The following CTDSPL variants were observed in gnomAD, a reference collection of about 807,000 sequenced individuals.
CTDSPL encodes CTD small phosphatase-like protein.
CTDSPL carries 8 observed loss-of-function variants against 30.5 expected under a neutral mutation model. The ratio of observed to expected loss-of-function variants is 0.26; its 90% CI spans 0.15 to 0.47. CTDSPL has a LOEUF of 0.47. CTDSPL is among the 20% of genes least tolerant of loss of function. The probability of loss-of-function intolerance (pLI) is 0.99; values close to 1 mark genes in which losing one functional copy is unlikely to be tolerated. For missense variants in CTDSPL, 248 were observed against 366.1 expected, an observed-to-expected ratio of 0.68 and a Z score of 2.63; for synonymous variants, 110 against 137.9, an observed-to-expected ratio of 0.80 and a Z score of 1.42.
rs1698806286 is a variant in CTDSPL at position 37,928,081 on chromosome 3, T to A, written c.80-18976T>A. Reference sequence around the variant, plus strand: ...TGGCACGTGTCAAAATTTATTTCCTTTTTGAGGCTGAATAATATTCCATTG... The same window carrying A: ...TGGCACGTGTCAAAATTTATTTCCTATTTGAGGCTGAATAATATTCCATTG... On this transcript the variant is annotated intron_variant, in intron 1 of 7. Coordinates refer to ENST00000273179, the MANE Select transcript of CTDSPL (RefSeq NM_001008392.2). Among the ~76,000 whole-genome samples the A allele has an allele frequency of 2.0e-5, 3 of 152,192 alleles. No individual in the cohort carries two copies. The South Asian group carries it at 6.2e-4, about 31-fold the overall frequency.
chr3:37,906,456 C>T (rs1015413948), intron 1 of CTDSPL, among the ~76,000 whole-genome samples: 2 of 152,164 alleles, frequency 1.3e-5, no homozygotes, highest in Non-Finnish European at 2.9e-5. Context: ...TTGAGAGTGC[C>T]ATCTGTTTCC....
chr3:37,871,116 T>C (rs1265191374), intron 1 of CTDSPL, among the ~76,000 whole-genome samples: 1 of 152,172 alleles, frequency 6.6e-6, no homozygotes, highest in Non-Finnish European at 1.5e-5. Flanking sequence ...TATTCATCTC[T>C]CTCTCCCCTG....
intron 1 of CTDSPL, among the ~76,000 whole-genome samples, chr3:37,916,030 T>G (rs1420146059): frequency 1.3e-5 from 2 of 152,230 alleles, no homozygotes; most frequent in Non-Finnish European, 2.9e-5. Context: ...GTGGTTTACC[T>G]TTAGGCTTGG....
intron 1 of CTDSPL, among the ~76,000 whole-genome samples, chr3:37,900,715 T>C (rs542624658): frequency 1.2e-4 from 19 of 152,300 alleles, no homozygotes; most frequent in South Asian, 8.3e-4. Flanking sequence ...CATATATAGC[T>C]TAATATGCCA....
At chr3:37,872,328 T>C (rs1437460743) in intron 1 of CTDSPL, among the ~76,000 whole-genome samples, 1 of 151,804 alleles carries the variant, frequency 6.6e-6, no homozygotes, top group Admixed American at 6.6e-5. Context: ...GCATTTATTG[T>C]TTTTTTTCAT....
intron 1 of CTDSPL, among the ~76,000 whole-genome samples, chr3:37,927,167 G>GA (rs1401114924): frequency 6.6e-6 from 1 of 151,968 alleles, no homozygotes; most frequent in African/African-American, 2.4e-5. Context: ...TTGAAGAATA[G>GA]AAAAAATAAA....
intron 1 of CTDSPL, among the ~76,000 whole-genome samples, chr3:37,919,100 G>T (rs7633540): frequency 0.25 from 37,821 of 151,746 alleles, 6,423 homozygotes; most frequent in African/African-American, 0.48. Flanking sequence ...TCGCTACCAG[G>T]GCCTTCCCCC....
intron 1 of CTDSPL, among the ~76,000 whole-genome samples, chr3:37,863,083 G>A (rs575379080): frequency 1.3e-5 from 2 of 152,220 alleles, no homozygotes; most frequent in Non-Finnish European, 2.9e-5. Flanking sequence ...TGGAGTCTGG[G>A]GGGGAGAAGA....
intron 3 of CTDSPL, among the ~76,000 whole-genome samples, chr3:37,957,430 A>C (rs1699186912): frequency 6.6e-6 from 1 of 152,146 alleles, no homozygotes; most frequent in Admixed American, 6.5e-5. Context: ...AAGCTGAACA[A>C]GCTGAGGTTG....
At chr3:37,955,200 TAGG>T (rs1699157315) in intron 2 of CTDSPL, 4 of 152,140 alleles carry the variant, frequency 2.6e-5, no homozygotes, top group African/African-American at 9.7e-5. Flanking sequence ...CTGCAACAAA[TAGG>T]ACATCCCTCA....
rs1209913792 is a variant in CTDSPL at position 37,984,196 on chromosome 3, T to C, written c.*3329T>C. The C allele has an allele frequency of 2.0e-5, 9 of 456,564 alleles. No individual in the cohort carries two copies. Among genetic ancestry groups the C allele is most frequent in the Admixed American group, 1.2e-4 (5 of 42,560 alleles). The allele number at this position is 456,564 out of a possible 1,614,324, so 28.3% of individuals were successfully genotyped here. On this transcript the variant is annotated 3_prime_UTR_variant, in exon 8 of 8. Transcript: ENST00000273179. The stretch of plus-strand genomic sequence containing the variant: ...GTGCAAAATTGGCTGGCTGCCTCTG[T>C]TCCTACTGTACTGTAACTTTGATCA...
intron 1 of CTDSPL, among the ~76,000 whole-genome samples, chr3:37,893,207 A>G (rs1273660651): frequency 6.6e-6 from 1 of 152,208 alleles, no homozygotes. Context: ...GTCAGAGGCT[A>G]GTTAATAACT....
chr3:37,963,976 G>A (rs1699270156), intron 3 of CTDSPL, among the ~76,000 whole-genome samples: 1 of 131,020 alleles, frequency 7.6e-6, no homozygotes, highest in Non-Finnish European at 1.5e-5. Flanking sequence ...ACTCTGGACT[G>A]CATTATGCTG....
intron 1 of CTDSPL, chr3:37,944,838 G>C (rs1575311158): frequency 6.6e-6 from 1 of 150,448 alleles, no homozygotes; most frequent in Admixed American, 6.7e-5. Flanking sequence ...AGGCACGATG[G>C]CCTCCCAGGT....
intron 1 of CTDSPL, among the ~76,000 whole-genome samples, chr3:37,918,959 A>G (rs1056584637): frequency 6.6e-6 from 1 of 152,160 alleles, no homozygotes; most frequent in Non-Finnish European, 1.5e-5. Context: ...ATTTGTGGCA[A>G]TGGGATTATT....
At chr3:37,936,931 G>A (rs1224855218) in intron 1 of CTDSPL, among the ~76,000 whole-genome samples, 1 of 151,072 alleles carries the variant, frequency 6.6e-6, no homozygotes, top group Admixed American at 6.6e-5. Flanking sequence ...TTCTGCTCTT[G>A]TGATGAGAAA....
intron 3 of CTDSPL, among the ~76,000 whole-genome samples, chr3:37,957,679 A>G (rs1440094004): frequency 1.3e-5 from 2 of 152,152 alleles, no homozygotes; most frequent in South Asian, 2.1e-4. Context: ...CCCATCCCAC[A>G]GGCCTGCTGT....
rs764983242 is a variant in CTDSPL at position 37,975,936 on chromosome 3, G to A, written c.705+42G>A. The stretch of plus-strand genomic sequence containing the variant: ...AAAGAAAATGTCGTGCTCCATCTGA[G>A]CCCTCTGTCTTGCCAGGCAGGTACC... On this transcript the variant is annotated intron_variant, in intron 7 of 7. Transcript: ENST00000273179. This position sits in a 1 kb window ranked among gnomAD's most constrained non-coding sequence, Gnocchi z 4.9. 1 of 1,592,464 alleles carries A rather than the reference G, an allele frequency of 6.3e-7. No homozygotes were observed. The highest frequency in any genetic ancestry group is 8.6e-7 in the Non-Finnish European group (1 of 1,164,702).
chr3:37,891,416 C>A (rs890783037), intron 1 of CTDSPL, among the ~76,000 whole-genome samples: 1 of 152,180 alleles, frequency 6.6e-6, no homozygotes, highest in African/African-American at 2.4e-5. Context: ...GGAAAGGGCC[C>A]TTCTACTCCT....
Sources: allele counts gnomAD v4.1 joint callset (sites outside exome capture counted in the v4.1 genomes callset), GRCh38; gene constraint gnomAD v4.1.1; non-coding constraint Gnocchi (gnomAD v3.1); transcripts MANE v1.5; gene names NCBI Gene and HGNC (gene_info 2026-07-23, HGNC 2026-07-21).